COL25A1: variants seen among roughly 807,000 people sequenced by gnomAD.
COL25A1 encodes collagen alpha-1(XXV) chain.
COL25A1 carries 103 observed loss-of-function variants against 128.4 expected under a neutral mutation model. The observed-to-expected ratio is 0.80, with a 90% CI of 0.68 to 0.94. The LOEUF is 0.94. Among genes scored for constraint, COL25A1 ranks in the 40% least tolerant of loss-of-function variants. COL25A1 has a pLI of 0.00. For missense variants in COL25A1, 745 were observed against 840.0 expected (o/e 0.89, Z 1.40); for synonymous variants, 279 against 277.2 (o/e 1.01, Z -0.06).
intron 19 of COL25A1, 73 bp downstream of exon 19, chr4:108,884,105 C>A (rs1740465219): frequency 6.9e-7 from 1 of 1,453,496 alleles, no homozygotes; most frequent in Non-Finnish European, 9.6e-7. Context: ...CCATTTTTCC[C>A]TATTTTCCTC....
At chr4:109,044,595 A>G (rs1172937770) in intron 5 of COL25A1, among the ~76,000 whole-genome samples, 1 of 152,144 alleles carries the variant, frequency 6.6e-6, no homozygotes, top group Non-Finnish European at 1.5e-5. Flanking sequence ...ATCTGTCTGT[A>G]CACATGAAGC....
intron 6 of COL25A1, among the ~76,000 whole-genome samples, chr4:108,992,733 A>G (rs1053733276): frequency 2.6e-5 from 4 of 152,234 alleles, no homozygotes; most frequent in African/African-American, 9.6e-5. Context: ...CTAAGTGTTC[A>G]GTAAAATCTC....
At chr4:109,298,978 G>T (rs1725252275) in intron 3 of COL25A1, among the ~76,000 whole-genome samples, 1 of 152,166 alleles carries the variant, frequency 6.6e-6, no homozygotes, top group Non-Finnish European at 1.5e-5. Context: ...AAATGTAATA[G>T]ATTTCTTTTA....
Position 108,826,052 on chromosome 4 carries a change from C to T in COL25A1, c.1765-830G>A, listed in dbSNP as rs542587795. 1.4e-4 allele frequency among the ~76,000 whole-genome samples: 21 copies of T among 152,124 alleles called. No individual in the cohort carries two copies. In the South Asian group the frequency reaches 4.4e-3, roughly 32 times the overall value. ...TCAGCATCTTTTTTTTGATTTAGCA[C>T]TGAGGTAATCATGGTTTATGTTTAT... On this transcript the variant is annotated intron_variant, in intron 33 of 37. Coordinates refer to ENST00000399132, the MANE Select transcript of COL25A1 (RefSeq NM_198721.4).
intron 5 of COL25A1, among the ~76,000 whole-genome samples, chr4:109,042,309 T>C (rs1197073975): frequency 6.6e-6 from 1 of 152,110 alleles, no homozygotes; most frequent in Non-Finnish European, 1.5e-5. Context: ...TATGTACACA[T>C]TCATAGTCAT....
At chr4:109,249,191 T>C (rs936622698) in intron 3 of COL25A1, among the ~76,000 whole-genome samples, 2 of 152,206 alleles carry the variant, frequency 1.3e-5, no homozygotes, top group Non-Finnish European at 2.9e-5. Flanking sequence ...GACTCTTCTC[T>C]AAATTCTTAC....
chr4:108,911,415 A>G (rs1268237988), intron 13 of COL25A1, among the ~76,000 whole-genome samples: 1 of 79,448 alleles, frequency 1.3e-5, no homozygotes, highest in African/African-American at 3.1e-5. Context: ...CTGTTATAAT[A>G]CTTCGCAATA....
chr4:109,251,730 G>A (rs144998240), intron 3 of COL25A1, among the ~76,000 whole-genome samples: 213 of 152,342 alleles, frequency 1.4e-3, no homozygotes, highest in African/African-American at 5.0e-3. Flanking sequence ...CATGGGAACA[G>A]GAAGCAAAAA....
At chr4:108,898,531 G>A (rs1408766262) in intron 15 of COL25A1, among the ~76,000 whole-genome samples, 3 of 152,122 alleles carry the variant, frequency 2.0e-5, no homozygotes, top group African/African-American at 7.2e-5. Flanking sequence ...ATCAGGACAG[G>A]CCCAAGTAAG....
At chr4:109,269,884 C>A (rs1424800829) in intron 3 of COL25A1, among the ~76,000 whole-genome samples, 1 of 152,168 alleles carries the variant, frequency 6.6e-6, no homozygotes, top group African/African-American at 2.4e-5. Flanking sequence ...ATCAAGTGGG[C>A]TTCATCCCTG....
At chr4:109,079,392 A>G (rs1256901510) in intron 3 of COL25A1, among the ~76,000 whole-genome samples, 1 of 152,212 alleles carries the variant, frequency 6.6e-6, no homozygotes, top group African/African-American at 2.4e-5. Flanking sequence ...TAGCCATTTG[A>G]GCAATCCTTC....
rs1578653083 is a variant in COL25A1, at chr4:108,884,193, T to C, written c.1005A>G (p.Gly335=). ...KGEPGLPGLP[G]LPGIKGEPGF... ...CAGTATTTACCTTTATCCCCGGAAG[T>C]CCAGGAAGCCCAGGAAGCCCTGGTT... Residue 335 remains glycine, a synonymous_variant, in exon 19 of 38, where the codon GGA becomes GGG. Coordinates refer to ENST00000399132, the MANE Select transcript of COL25A1 (RefSeq NM_198721.4). 6.2e-7 allele frequency: 1 copy of C among 1,613,800 alleles called. No homozygotes were observed. The highest frequency in any genetic ancestry group is 2.2e-5 in the East Asian group (1 of 44,834).
At chr4:108,940,227 A>G (rs773742676) in intron 10 of COL25A1, among the ~76,000 whole-genome samples, 5 of 152,150 alleles carry the variant, frequency 3.3e-5, no homozygotes, top group African/African-American at 7.2e-5. Context: ...GGCAACTCCA[A>G]TCAAAGACTT....
intron 3 of COL25A1, among the ~76,000 whole-genome samples, chr4:109,106,980 G>A (rs1266533876): frequency 1.3e-5 from 2 of 152,096 alleles, no homozygotes; most frequent in Non-Finnish European, 1.5e-5. Flanking sequence ...TGTTGCCTAA[G>A]CTAGTCTTGA....
chr4:109,187,919 C>A (rs931226213), intron 3 of COL25A1, among the ~76,000 whole-genome samples: 1 of 152,112 alleles, frequency 6.6e-6, no homozygotes, highest in Admixed American at 6.5e-5. Flanking sequence ...TATTGTTAAG[C>A]AGCCCCTAAA....
In COL25A1 at chr4:108,845,115, G is replaced by T. The variant is rs552201783; in HGVS notation, c.1578+74C>A. The T allele has an allele frequency of 1.3e-4, 167 of 1,244,194 alleles. 1 individual carries two copies. The South Asian group carries it at 1.9e-3, about 14-fold the overall frequency. 77.1% of individuals were successfully genotyped at this position (1,244,194 alleles called of 1,614,324 possible). A position where few individuals can be genotyped will look rare whatever the true frequency, so the allele number is the denominator to read the frequency against. ...ACTGTTGTGCAGCCATCTGGCAGAG[G>T]TGGAATAGGTAAGTAACATGTCAGT... On this transcript the variant is annotated intron_variant, in intron 29 of 37. Coordinates refer to ENST00000399132, the MANE Select transcript of COL25A1 (RefSeq NM_198721.4).
intron 5 of COL25A1, among the ~76,000 whole-genome samples, chr4:109,047,693 A>C (rs1235100447): frequency 6.6e-6 from 1 of 151,036 alleles, no homozygotes; most frequent in Non-Finnish European, 1.5e-5. Context: ...AAAATTGTGT[A>C]TCTAAAAAAT....
At chr4:109,033,740 GA>G (rs527590859) in intron 5 of COL25A1, among the ~76,000 whole-genome samples, 167 of 149,010 alleles carry the variant, frequency 1.1e-3, no homozygotes, top group African/African-American at 3.7e-3. Flanking sequence ...TCTTTGCAGG[GA>G]AAAAAAAAGC....
chr4:109,081,710 A>AT (rs1227483665), intron 3 of COL25A1, among the ~76,000 whole-genome samples: 2,623 of 147,250 alleles, frequency 0.018, 68 homozygotes, highest in African/African-American at 0.06. Context: ...TTTTTCTTTT[A>AT]TTTTTTTTTT....
Sources: allele counts gnomAD v4.1 joint callset (sites outside exome capture counted in the v4.1 genomes callset), GRCh38; gene constraint gnomAD v4.1.1; transcripts MANE v1.5; gene names NCBI Gene and HGNC (gene_info 2026-07-23, HGNC 2026-07-21).